Variants in RAB7A observed in about 807,000 individuals in gnomAD.
RAB7A encodes the protein ras-related protein Rab-7a.
Under a neutral mutation model 24.5 loss-of-function variants are expected in RAB7A, and 2 were observed. The observed-to-expected ratio is 0.08, with a 90% CI of 0.03 to 0.26. The LOEUF is 0.26. RAB7A is among the 10% of genes least tolerant of loss of function. RAB7A has a pLI of 1.00. For missense variants in RAB7A, 118 were observed against 255.7 expected, an observed-to-expected ratio of 0.46 and a Z score of 3.67; for synonymous variants, 100 against 95.9, an observed-to-expected ratio of 1.04 and a Z score of -0.25.
chr3:128,812,994 A>G (rs1933956721), intron 5 of RAB7A, among the ~76,000 whole-genome samples: 1 of 152,228 alleles, frequency 6.6e-6, no homozygotes, highest in African/African-American at 2.4e-5. Context: ...TCTGAACTGG[A>G]TGTGGTAGAG....
At chr3:128,731,183 TA>T (rs2070433487) in intron 1 of RAB7A, among the ~76,000 whole-genome samples, 1 of 152,230 alleles carries the variant, frequency 6.6e-6, no homozygotes, top group South Asian at 2.1e-4. Context: ...GTAAGTGTAA[TA>T]AAAAGTTGGT....
intron 1 of RAB7A, among the ~76,000 whole-genome samples, chr3:128,792,502 A>T (rs375520139): frequency 1.4e-5 from 2 of 142,626 alleles, no homozygotes; most frequent in Admixed American, 6.9e-5. Flanking sequence ...TGCCTCCTGG[A>T]TTTAATCGAT....
intron 3 of RAB7A, among the ~76,000 whole-genome samples, chr3:128,803,839 ACT>A (rs1423590269): frequency 7.2e-5 from 11 of 152,308 alleles, no homozygotes; most frequent in Non-Finnish European, 5.9e-5. Context: ...GGAAGGGTTA[ACT>A]CTTGGAAAAA....
chr3:128,750,601 G>A (rs1054146892), intron 1 of RAB7A, among the ~76,000 whole-genome samples: 2 of 152,156 alleles, frequency 1.3e-5, no homozygotes, highest in African/African-American at 4.8e-5. Context: ...TTCAAGAGGT[G>A]ATTTGGGTAC....
intron 1 of RAB7A, among the ~76,000 whole-genome samples, chr3:128,750,383 T>G (rs1020136837): frequency 6.6e-6 from 1 of 152,154 alleles, no homozygotes; most frequent in African/African-American, 2.4e-5. Flanking sequence ...TGCTTCAGCC[T>G]CCTGAGTAGC....
At chr3:128,792,793 A>C (rs1933484698) in intron 1 of RAB7A, among the ~76,000 whole-genome samples, 2 of 151,368 alleles carry the variant, frequency 1.3e-5, no homozygotes, top group Admixed American at 1.3e-4. Context: ...AATAGCTGGA[A>C]TTACAGGCAC....
intron 1 of RAB7A, among the ~76,000 whole-genome samples, chr3:128,774,403 C>T (rs145022560): frequency 6.6e-6 from 1 of 151,492 alleles, no homozygotes; most frequent in African/African-American, 2.4e-5. Flanking sequence ...AAAAAGTTCA[C>T]CTTTCAACCA....
intron 1 of RAB7A, among the ~76,000 whole-genome samples, chr3:128,731,679 T>C (rs905259997): frequency 6.6e-6 from 1 of 152,144 alleles, no homozygotes; most frequent in Admixed American, 6.5e-5. Context: ...TATATGCTAG[T>C]GCCCTAAAGA....
intron 1 of RAB7A, among the ~76,000 whole-genome samples, chr3:128,731,510 T>C (rs1021870862): frequency 6.6e-6 from 1 of 152,226 alleles, no homozygotes; most frequent in Non-Finnish European, 1.5e-5. Context: ...TTCTGTGGTA[T>C]TTGTAGTTTA....
At chr3:128,764,455 T>C (rs779725083) in intron 1 of RAB7A, 40 of 761,506 alleles carry the variant, frequency 5.3e-5, no homozygotes, top group Non-Finnish European at 8.6e-5. Flanking sequence ...ATGGGGAAAT[T>C]AGCCTGAGGC....
At chr3:128,804,190 A>G (rs1440530208) in intron 3 of RAB7A, among the ~76,000 whole-genome samples, 1 of 151,606 alleles carries the variant, frequency 6.6e-6, no homozygotes, top group East Asian at 1.9e-4. Context: ...TTTAATGCCA[A>G]AAGTCACACC....
intron 2 of RAB7A, among the ~76,000 whole-genome samples, chr3:128,797,299 A>C (rs3772158): frequency 0.16 from 24,723 of 152,152 alleles, 2,453 homozygotes; most frequent in South Asian, 0.3. Context: ...ATGGGGGGGA[A>C]GGTTTTTGTA....
At chr3:128,753,991 A>G (rs1450853810) in intron 1 of RAB7A, among the ~76,000 whole-genome samples, 2 of 152,128 alleles carry the variant, frequency 1.3e-5, no homozygotes, top group African/African-American at 2.4e-5. Flanking sequence ...CACAAACACT[A>G]AAACTACAGC....
chr3:128,807,511 T>C (rs770460892), intron 4 of RAB7A, 32 bp from the exon 5 acceptor site: 1 of 1,613,334 alleles, frequency 6.2e-7, no homozygotes, highest in South Asian at 1.1e-5. Context: ...GCTTCTGTCA[T>C]GAGCCTATGT....
intron 1 of RAB7A, among the ~76,000 whole-genome samples, chr3:128,785,682 G>A (rs946143112): frequency 2.7e-5 from 4 of 148,936 alleles, no homozygotes; most frequent in South Asian, 2.1e-4. Flanking sequence ...CCTGGAGGGG[G>A]AAGTTGCAGT....
intron 1 of RAB7A, among the ~76,000 whole-genome samples, chr3:128,756,368 A>G (rs2070729605): frequency 6.6e-6 from 1 of 152,178 alleles, no homozygotes; most frequent in Non-Finnish European, 1.5e-5. Context: ...TCTCAAAAAA[A>G]AAAAAATTAA....
chr3:128,795,641 C>G (rs1029604733), intron 2 of RAB7A, among the ~76,000 whole-genome samples: 2 of 151,820 alleles, frequency 1.3e-5, no homozygotes, highest in Non-Finnish European at 2.9e-5. Context: ...GCTATTTGAA[C>G]TCAACTAAGG....
Position 128,757,553 on chromosome 3 carries a change from T to C in RAB7A, c.-9+31194T>C, listed in dbSNP as rs1041368252. 5.3e-5 allele frequency among the ~76,000 whole-genome samples: 8 copies of C among 152,178 alleles called. No homozygotes were observed. In the South Asian group the frequency reaches 1.2e-3, roughly 24 times the overall value. On this transcript the variant is annotated intron_variant, in intron 1 of 5. Coordinates refer to ENST00000265062, the MANE Select transcript of RAB7A (RefSeq NM_004637.6). ...TTTTTTTTTTGAGACCAAGTCTTGC[T>C]GTGTTACCCAGGCTGGAGTATAGTG...
chr3:128,772,575 C>G (rs1292103427), intron 1 of RAB7A, among the ~76,000 whole-genome samples: 1 of 152,150 alleles, frequency 6.6e-6, no homozygotes, highest in Non-Finnish European at 1.5e-5. Flanking sequence ...AAGCCTGATG[C>G]ACTTAGAAGC....
Sources: gnomAD v4.1 joint callset for allele counts (sites outside exome capture counted in the v4.1 genomes callset) on GRCh38, gnomAD v4.1.1 for gene constraint, MANE v1.5 for transcripts, NCBI Gene and HGNC (gene_info 2026-07-23, HGNC 2026-07-21) for gene names.